The following GPC5 variants were observed in gnomAD, a reference collection of about 807,000 sequenced individuals.
The protein encoded by GPC5 is glypican 5.
A neutral mutation model predicts 53.9 loss-of-function variants in GPC5; 47 were observed. The observed-to-expected ratio is 0.87, with a 90% CI of 0.69 to 1.11. The LOEUF (loss-of-function observed/expected upper bound fraction) is 1.11, where lower values mean the gene tolerates loss of function less well. Among genes scored for constraint, GPC5 ranks in the 50% most tolerant of loss-of-function variants. The probability of loss-of-function intolerance (pLI) is 0.00; values close to 1 mark genes in which losing one functional copy is unlikely to be tolerated. For synonymous variants in GPC5, 286 were observed against 263.3 expected (o/e 1.09, Z -0.84); for missense variants, 748 against 713.1 (o/e 1.05, Z -0.56).
At chr13:91,808,399 G>A (rs888977055) in intron 5 of GPC5, among the ~76,000 whole-genome samples, 11 of 152,030 alleles carry the variant, frequency 7.2e-5, no homozygotes, top group African/African-American at 2.7e-4. Flanking sequence ...CATCTGTTGA[G>A]CACCTATCTG....
intron 7 of GPC5, among the ~76,000 whole-genome samples, chr13:92,678,254 ATAAT>A (rs928586747): frequency 1.3e-5 from 2 of 152,222 alleles, no homozygotes; most frequent in African/African-American, 4.8e-5. Context: ...AAGAAAGAAA[ATAAT>A]TAAGAAATAC....
intron 7 of GPC5, among the ~76,000 whole-genome samples, chr13:92,156,767 T>C (rs1266610672): frequency 6.6e-6 from 1 of 152,124 alleles, no homozygotes; most frequent in Non-Finnish European, 1.5e-5. Flanking sequence ...AAATAAAATA[T>C]AGCATAATAG....
intron 5 of GPC5, 68 bp downstream of exon 5, chr13:91,756,488 G>T: frequency 7.4e-7 from 1 of 1,347,252 alleles, no homozygotes; most frequent in Non-Finnish European, 1.0e-6. Flanking sequence ...GAATCTTAAG[G>T]GGATTAATTC....
intron 7 of GPC5, among the ~76,000 whole-genome samples, chr13:92,226,443 A>T (rs2042486919): frequency 6.6e-6 from 1 of 152,110 alleles, no homozygotes; most frequent in Non-Finnish European, 1.5e-5. Flanking sequence ...CAACTTTAAT[A>T]CTACAACTTT....
intron 7 of GPC5, among the ~76,000 whole-genome samples, chr13:92,632,580 G>A (rs1268102087): frequency 6.6e-6 from 1 of 150,772 alleles, no homozygotes. Context: ...ATCTATATAT[G>A]TATGCACTAA....
At chr13:91,421,926 C>A (rs1446866295) in intron 1 of GPC5, among the ~76,000 whole-genome samples, 1 of 152,092 alleles carries the variant, frequency 6.6e-6, no homozygotes, top group Non-Finnish European at 1.5e-5. Context: ...CTAAAATTGC[C>A]CACAATGAAG....
chr13:92,664,019 C>T lies in GPC5; in HGVS notation c.1562-202263C>T, dbSNP rs1392993957. On this transcript the variant is annotated intron_variant, in intron 7 of 7. Transcript: ENST00000377067. The stretch of plus-strand genomic sequence containing the variant: ...CCCGGGAGGCAGAGGTTGCAGTGAG[C>T]CGAGATTGCGCCACTGCACTCCAGC... Among the ~76,000 whole-genome samples, 4 of 150,734 alleles carry T rather than the reference C, an allele frequency of 2.7e-5. No individual in the cohort carries two copies. In the East Asian group the frequency reaches 7.9e-4, roughly 30 times the overall value.
At chr13:92,144,710 G>T in intron 6 of GPC5, 120 bp from the exon 7 acceptor site, 2 of 884,574 alleles carry the variant, frequency 2.3e-6, no homozygotes, top group Non-Finnish European at 3.4e-6. Context: ...GACTTGACTT[G>T]GTGTCTACAC....
intron 6 of GPC5, among the ~76,000 whole-genome samples, chr13:92,103,110 C>A (rs1164479144): frequency 6.6e-6 from 1 of 152,028 alleles, no homozygotes; most frequent in African/African-American, 2.4e-5. Context: ...GATCCTCTTG[C>A]CTCAGCCTCC....
At chr13:92,536,825 A>G (rs544170913) in intron 7 of GPC5, among the ~76,000 whole-genome samples, 7 of 152,088 alleles carry the variant, frequency 4.6e-5, no homozygotes, top group Admixed American at 4.6e-4. Flanking sequence ...TTTATACATT[A>G]ATGATAGAAA....
intron 5 of GPC5, among the ~76,000 whole-genome samples, chr13:91,805,945 T>G (rs1328890235): frequency 6.6e-6 from 1 of 151,900 alleles, no homozygotes; most frequent in African/African-American, 2.4e-5. Flanking sequence ...TTCGCCTTTT[T>G]AAAATATGTG....
At chr13:91,566,313 C>G (rs2031525197) in intron 2 of GPC5, among the ~76,000 whole-genome samples, 1 of 151,986 alleles carries the variant, frequency 6.6e-6, no homozygotes, top group Non-Finnish European at 1.5e-5. Flanking sequence ...TGTCTGTAAT[C>G]CCAGCACTTT....
At chr13:91,536,762 C>G (rs1227511495) in intron 2 of GPC5, among the ~76,000 whole-genome samples, 1 of 152,126 alleles carries the variant, frequency 6.6e-6, no homozygotes, top group Non-Finnish European at 1.5e-5. Flanking sequence ...TGCCTTTGCC[C>G]CCAGAACTAT....
At chr13:92,393,372 C>T (rs753590766) in intron 7 of GPC5, among the ~76,000 whole-genome samples, 14 of 152,014 alleles carry the variant, frequency 9.2e-5, no homozygotes, top group Non-Finnish European at 1.3e-4. Flanking sequence ...GAACACAGGC[C>T]GGTGCAGTGG....
At chr13:92,707,555 C>CTAAG (rs1028885289) in intron 7 of GPC5, among the ~76,000 whole-genome samples, 28 of 151,866 alleles carry the variant, frequency 1.8e-4, no homozygotes, top group African/African-American at 6.8e-4. Flanking sequence ...AAGCATGTTA[C>CTAAG]TAAGTTTAAT....
chr13:91,435,335 C>T (rs796528444), intron 1 of GPC5, among the ~76,000 whole-genome samples: 1 of 152,208 alleles, frequency 6.6e-6, no homozygotes, highest in African/African-American at 2.4e-5. Context: ...TCATAGATAG[C>T]TGTTATTATT....
At chr13:91,621,543 G>A (rs1184318691) in intron 2 of GPC5, among the ~76,000 whole-genome samples, 1 of 151,978 alleles carries the variant, frequency 6.6e-6, no homozygotes, top group African/African-American at 2.4e-5. Context: ...ATAGAGTAGA[G>A]TGAAAGTCTG....
At chr13:92,609,150 A>T (rs890085674) in intron 7 of GPC5, among the ~76,000 whole-genome samples, 1 of 152,162 alleles carries the variant, frequency 6.6e-6, no homozygotes, top group Non-Finnish European at 1.5e-5. Flanking sequence ...TTTGTATTTG[A>T]ATATTGGTAT....
intron 7 of GPC5, chr13:92,448,475 A>T (rs1055856964): frequency 6.6e-6 from 1 of 152,154 alleles, no homozygotes; most frequent in African/African-American, 2.4e-5. Flanking sequence ...GATACATGAA[A>T]TACTAAACAA....
Sources: allele counts gnomAD v4.1 joint callset (sites outside exome capture counted in the v4.1 genomes callset), GRCh38; gene constraint gnomAD v4.1.1; transcripts MANE v1.5; gene names NCBI Gene and HGNC (gene_info 2026-07-23, HGNC 2026-07-21).